The following L3HYPDH variants were observed in gnomAD, a reference collection of about 807,000 sequenced individuals.
L3HYPDH encodes trans-3-hydroxy-L-proline dehydratase.
In L3HYPDH, 32 loss-of-function variants were observed where a neutral mutation model predicts 26.5. That is an observed-to-expected ratio of 1.21 (90% confidence interval 0.91 to 1.62). L3HYPDH has a LOEUF of 1.62. Among genes scored for constraint, L3HYPDH ranks in the 40% most tolerant of loss-of-function variants. The pLI is 0.00. For missense variants in L3HYPDH, 554 were observed against 476.4 expected (o/e 1.16, Z -1.52); for synonymous variants, 215 against 196.6 (o/e 1.09, Z -0.78).
At chr14:59,470,033 T>C (rs1889274295), downstream of L3HYPDH, among the ~76,000 whole-genome samples, 1 of 152,056 alleles carries the variant, frequency 6.6e-6, no homozygotes, top group Non-Finnish European at 1.5e-5. Context: ...GGCACAATGG[T>C]CTATTGAGAA....
upstream of L3HYPDH, chr14:59,485,232 G>GTTT (rs1890443646): frequency 1.8e-6 from 2 of 1,119,292 alleles, no homozygotes; most frequent in Non-Finnish European, 2.5e-6. Flanking sequence ...TCTACTAGAT[G>GTTT]TAAAGCCCAT....
chr14:59,502,773 T>TTTTTTTTTTTTTTG, the L3HYPDH span, among the ~76,000 whole-genome samples: 124 of 102,844 alleles, frequency 1.2e-3, 7 homozygotes, highest in African/African-American at 4.1e-3. Context: ...TTTTTTTTTT[T>TTTTTTTTTTTTTTG]CGGAGTCTCA....
In L3HYPDH at chr14:59,472,996, T is replaced by C; in HGVS notation, c.1034A>G (p.Asp345Gly). 1 of 1,607,268 alleles carries C rather than the reference T, an allele frequency of 6.2e-7. No homozygotes were observed. The highest frequency in any genetic ancestry group is 8.5e-7 in the Non-Finnish European group (1 of 1,177,538). Residue 345 changes from aspartate (D) to glycine (G), a missense_variant, in exon 5 of 5, where the codon GAC (aspartate) becomes GGC (glycine). Physicochemically the swap from Asp to Gly is moderately conservative, Grantham distance 94 (BLOSUM62 -1). Transcript: ENST00000247194. Reference sequence around the variant, plus strand: ...GAGAAGAAATCCATCCCTCAATGGGTCGTCATCTTCTATTATAAAGCTTGC... The same window carrying C: ...GAGAAGAAATCCATCCCTCAATGGGCCGTCATCTTCTATTATAAAGCTTGC... Reference protein sequence around the residue: ...GTASFIIEDDDPLRDGFLLK With the variant: ...GTASFIIEDDGPLRDGFLLK
At chr14:59,474,225 A>C (rs1367567130) in intron 4 of L3HYPDH, among the ~76,000 whole-genome samples, 2 of 152,112 alleles carry the variant, frequency 1.3e-5, no homozygotes, top group Non-Finnish European at 2.9e-5. Context: ...CCCAGCCAAG[A>C]AGCAGGTATC....
At chr14:59,497,593 T>C in the L3HYPDH span, among the ~76,000 whole-genome samples, 3 of 152,188 alleles carry the variant, frequency 2.0e-5, no homozygotes, top group Non-Finnish European at 4.4e-5. Flanking sequence ...ACTAATTCAT[T>C]AGAAGAGGTA....
At chr14:59,502,926 G>T in the L3HYPDH span, among the ~76,000 whole-genome samples, 4 of 151,018 alleles carry the variant, frequency 2.6e-5, no homozygotes, top group Admixed American at 1.3e-4. Flanking sequence ...TAATTTTTGT[G>T]TTTTTAGTAG....
the L3HYPDH span, chr14:59,494,954 G>T: frequency 1.7e-6 from 2 of 1,145,550 alleles, no homozygotes; most frequent in South Asian, 1.3e-5. Flanking sequence ...ACATGTACAT[G>T]TTTTATTAAA....
chr14:59,487,912 T>G (rs1205482840), upstream of L3HYPDH: 11 of 1,247,200 alleles, frequency 8.8e-6, no homozygotes, highest in Non-Finnish European at 2.3e-6. Context: ...TAATTATGCT[T>G]CTTCTGTTTT....
intron 1 of L3HYPDH, among the ~76,000 whole-genome samples, chr14:59,465,539 C>T (rs573496530): frequency 2.5e-4 from 38 of 152,368 alleles, no homozygotes; most frequent in African/African-American, 9.1e-4. Context: ...GGTCGACCTC[C>T]TGAGGGACCA....
chr14:59,494,936 A>G, the L3HYPDH span: 2 of 959,942 alleles, frequency 2.1e-6, no homozygotes, highest in African/African-American at 1.6e-5. Context: ...AGAAATCTGT[A>G]TCTTGACACA....
upstream of L3HYPDH, among the ~76,000 whole-genome samples, chr14:59,488,817 TAG>T (rs1355445482): frequency 6.6e-6 from 1 of 152,256 alleles, no homozygotes; most frequent in Non-Finnish European, 1.5e-5. Flanking sequence ...ACTTGTTACC[TAG>T]CTACCTTCTT....
At chr14:59,495,255 T>G in the L3HYPDH span, 16 of 1,318,614 alleles carry the variant, frequency 1.2e-5, no homozygotes, top group Non-Finnish European at 1.5e-5. Context: ...AAGATCATTG[T>G]TTTTTTTTAA....
At chr14:59,502,773 T>TTTGTTTTTTTTTTTTTTTTTTTTTG in the L3HYPDH span, among the ~76,000 whole-genome samples, 1 of 102,836 alleles carries the variant, frequency 9.7e-6, no homozygotes, top group African/African-American at 3.9e-5. Context: ...TTTTTTTTTT[T>TTTGTTTTTTTTTTTTTTTTTTTTTG]CGGAGTCTCA....
At chr14:59,492,955 G>T in the L3HYPDH span, among the ~76,000 whole-genome samples, 1 of 151,826 alleles carries the variant, frequency 6.6e-6, no homozygotes, top group Non-Finnish European at 1.5e-5. Flanking sequence ...CTGCCACCAC[G>T]CCCGGCCAAT....
chr14:59,467,930 T>C (rs574559080), downstream of L3HYPDH, among the ~76,000 whole-genome samples: 3 of 152,378 alleles, frequency 2.0e-5, no homozygotes, highest in Admixed American at 6.5e-5. Context: ...CGGACTATCT[T>C]TGCATCCATT....
chr14:59,491,154 AACCC>A, the L3HYPDH span, among the ~76,000 whole-genome samples: 1 of 152,240 alleles, frequency 6.6e-6, no homozygotes, highest in Non-Finnish European at 1.5e-5. Context: ...AACTGGGGAT[AACCC>A]CTGAGCTGAT....
chr14:59,500,097 G>A, the L3HYPDH span, among the ~76,000 whole-genome samples: 1 of 152,076 alleles, frequency 6.6e-6, no homozygotes, highest in African/African-American at 2.4e-5. Context: ...TCTTAAATTT[G>A]TATCATTAGC....
At chr14:59,487,837 A>G (rs1286749458), upstream of L3HYPDH, 7 of 1,611,498 alleles carry the variant, frequency 4.3e-6, no homozygotes, top group South Asian at 7.7e-5. Flanking sequence ...AGGTTAGCAC[A>G]TTTCTATGAA....
upstream of L3HYPDH, among the ~76,000 whole-genome samples, chr14:59,488,798 C>T (rs1362654423): frequency 2.0e-5 from 3 of 152,222 alleles, no homozygotes; most frequent in African/African-American, 7.2e-5. Flanking sequence ...CTCTCTTCAT[C>T]TGACTGCAAC....
Sources: gnomAD v4.1 joint callset for allele counts (sites outside exome capture counted in the v4.1 genomes callset) on GRCh38, gnomAD v4.1.1 for gene constraint, MANE v1.5 for transcripts, NCBI Gene and HGNC (gene_info 2026-07-23, HGNC 2026-07-21) for gene names.